Variants in TASP1 observed in about 807,000 individuals in gnomAD.
TASP1 encodes taspase 1, also known as threonine aspartase 1.
In TASP1, 16 loss-of-function variants were observed where a neutral mutation model predicts 56.6. The observed-to-expected ratio is 0.28, with a 90% CI of 0.19 to 0.43. The LOEUF is 0.43. Ranked by LOEUF, TASP1 falls within the 20% of genes least tolerant of loss-of-function variation. The probability of loss-of-function intolerance (pLI) is 1.00; values close to 1 mark genes in which losing one functional copy is unlikely to be tolerated. For synonymous variants in TASP1, 179 were observed against 184.2 expected (o/e 0.97, Z 0.23); for missense variants, 393 against 511.6 (o/e 0.77, Z 2.24).
chr20:13,305,139 A>G, the TASP1 span, among the ~76,000 whole-genome samples: 1 of 151,420 alleles, frequency 6.6e-6, no homozygotes, highest in Non-Finnish European at 1.5e-5. Flanking sequence ...ACCAAAGAAG[A>G]GTCAATCTCA....
At chr20:13,504,063 A>C (rs1056484199) in intron 10 of TASP1, among the ~76,000 whole-genome samples, 1 of 152,146 alleles carries the variant, frequency 6.6e-6, no homozygotes, top group African/African-American at 2.4e-5. Flanking sequence ...AAACTACTCA[A>C]ATCTGGGGAG....
the TASP1 span, among the ~76,000 whole-genome samples, chr20:13,107,268 AACC>A: frequency 6.6e-6 from 1 of 152,158 alleles, no homozygotes; most frequent in Non-Finnish European, 1.5e-5. Context: ...GAAGGTTGAG[AACC>A]ACTGGAAGAT....
At chr20:13,405,083 C>T (rs922440500) in intron 13 of TASP1, among the ~76,000 whole-genome samples, 2 of 152,146 alleles carry the variant, frequency 1.3e-5, no homozygotes, top group South Asian at 2.1e-4. Flanking sequence ...CCAATCCTCA[C>T]CTAATTTTAG....
intron 7 of TASP1, among the ~76,000 whole-genome samples, chr20:13,563,773 G>C (rs2046426519): frequency 6.6e-6 from 1 of 151,342 alleles, no homozygotes; most frequent in African/African-American, 2.4e-5. Context: ...CCAAAGTGCT[G>C]GGATTATAGG....
chr20:13,556,158 T>C (rs1482755001), intron 8 of TASP1, among the ~76,000 whole-genome samples: 2 of 152,218 alleles, frequency 1.3e-5, no homozygotes, highest in Non-Finnish European at 1.5e-5. Flanking sequence ...AATATCCAAC[T>C]GCTCAGCTAA....
At chr20:13,164,579 T>G in the TASP1 span, 3 of 611,938 alleles carry the variant, frequency 4.9e-6, no homozygotes, top group Admixed American at 2.9e-5. Context: ...CTAACATTCC[T>G]CTAGGGTCTT....
intron 1 of TASP1, among the ~76,000 whole-genome samples, chr20:13,636,870 T>G (rs1209735504): frequency 6.6e-6 from 1 of 151,930 alleles, no homozygotes; most frequent in Non-Finnish European, 1.5e-5. Context: ...AAAAATTAAC[T>G]CTAAATATCC....
intron 4 of TASP1, among the ~76,000 whole-genome samples, chr20:13,607,818 T>G (rs944160769): frequency 6.6e-6 from 1 of 152,074 alleles, no homozygotes; most frequent in Non-Finnish European, 1.5e-5. Context: ...AATACAAAAA[T>G]TAGCCAGGCG....
the TASP1 span, among the ~76,000 whole-genome samples, chr20:13,163,106 G>A: frequency 2.0e-4 from 30 of 152,088 alleles, no homozygotes; most frequent in Non-Finnish European, 4.1e-4. Flanking sequence ...AGTGGCTCAC[G>A]CCTATAATCC....
the TASP1 span, among the ~76,000 whole-genome samples, chr20:13,150,513 C>T: frequency 2.5e-4 from 38 of 152,302 alleles, no homozygotes; most frequent in Non-Finnish European, 5.0e-4. Context: ...AGAGTTCCAT[C>T]CAGGGACTCC....
the TASP1 span, among the ~76,000 whole-genome samples, chr20:13,211,450 T>A: frequency 2.6e-5 from 4 of 152,132 alleles, no homozygotes; most frequent in Non-Finnish European, 5.9e-5. Context: ...AACAAGGCAA[T>A]CCTGCAGCAC....
At position 13,587,459 on chromosome 20, in the gene TASP1, G is replaced by A. The variant is rs2047348012; in HGVS notation, c.283-89C>T. The A allele has an allele frequency of 3.5e-6, 4 of 1,128,006 alleles. No individual in the cohort carries two copies. In the South Asian group the frequency reaches 6.6e-5, roughly 18 times the overall value. 69.9% of individuals were successfully genotyped at this position (1,128,006 alleles called of 1,614,324 possible). ...TCATGAAATTTTCTAAAAGCTAGAA[G>A]GTGAGAGAATACTTTCCAACACATA... On this transcript the variant is annotated intron_variant, in intron 4 of 13. Coordinates refer to ENST00000337743, the MANE Select transcript of TASP1 (RefSeq NM_017714.3).
the TASP1 span, among the ~76,000 whole-genome samples, chr20:13,345,435 A>G: frequency 1.3e-5 from 2 of 152,176 alleles, no homozygotes; most frequent in African/African-American, 2.4e-5. Flanking sequence ...AAGGGCAAAT[A>G]CTGTAGTGCC....
At chr20:13,356,777 T>C in the TASP1 span, among the ~76,000 whole-genome samples, 1,521 of 152,292 alleles carry the variant, frequency 1.0e-2, 24 homozygotes, top group African/African-American at 0.035. Context: ...TCTATCCATA[T>C]CTGCCCTTGA....
At chr20:13,518,666 T>C (rs1226510965) in intron 10 of TASP1, among the ~76,000 whole-genome samples, 1 of 152,074 alleles carries the variant, frequency 6.6e-6, no homozygotes, top group Non-Finnish European at 1.5e-5. Context: ...TCATTCACAC[T>C]CATTCAGCAG....
At chr20:13,256,121 C>T in the TASP1 span, among the ~76,000 whole-genome samples, 1 of 152,092 alleles carries the variant, frequency 6.6e-6, no homozygotes. Context: ...AGAGGACAGG[C>T]GTGGTGGCTC....
intron 6 of TASP1, among the ~76,000 whole-genome samples, chr20:13,576,955 C>G (rs2046947207): frequency 6.6e-6 from 1 of 152,194 alleles, no homozygotes; most frequent in South Asian, 2.1e-4. Flanking sequence ...CTGAGGTAAT[C>G]ACAGTGGCTT....
At chr20:13,298,889 C>T in the TASP1 span, 8 of 1,578,412 alleles carry the variant, frequency 5.1e-6, no homozygotes, top group Non-Finnish European at 6.9e-6. Flanking sequence ...TGAAGCACCT[C>T]CTGTGGGCCG....
intron 6 of TASP1, among the ~76,000 whole-genome samples, chr20:13,578,914 T>C (rs905298767): frequency 6.6e-6 from 1 of 152,228 alleles, no homozygotes; most frequent in Non-Finnish European, 1.5e-5. Context: ...ACAACTGTCT[T>C]GACTATTCTT....
Sources: gnomAD v4.1 joint callset for allele counts (sites outside exome capture counted in the v4.1 genomes callset) on GRCh38, gnomAD v4.1.1 for gene constraint, MANE v1.5 for transcripts, NCBI Gene and HGNC (gene_info 2026-07-23, HGNC 2026-07-21) for gene names.